The following AHI1 variants were observed in gnomAD, a reference collection of about 807,000 sequenced individuals.
AHI1 encodes the protein jouberin.
AHI1 carries 123 observed loss-of-function variants against 149.3 expected under a neutral mutation model. The ratio of observed to expected loss-of-function variants is 0.82; its 90% CI spans 0.71 to 0.96. The LOEUF (loss-of-function observed/expected upper bound fraction) is 0.96, where lower values mean the gene tolerates loss of function less well. Among genes scored for constraint, AHI1 ranks in the 40% least tolerant of loss-of-function variants. AHI1 has a pLI of 0.00. For missense variants in AHI1, 1,439 were observed against 1,422.7 expected, an observed-to-expected ratio of 1.01 and a Z score of -0.18; for synonymous variants, 475 against 459.8, an observed-to-expected ratio of 1.03 and a Z score of -0.42.
At chr6:135,433,310 A>C (rs1215589239) in intron 15 of AHI1, 54 bp from the exon 16 acceptor site, 9 of 1,360,578 alleles carry the variant, frequency 6.6e-6, no homozygotes, top group African/African-American at 1.4e-5. Flanking sequence ...AGTTTCTTTT[A>C]ACAGTTTTTC....
intron 20 of AHI1, 141 bp downstream of exon 20, chr6:135,427,026 G>T: frequency 8.1e-6 from 6 of 743,024 alleles, no homozygotes; most frequent in South Asian, 2.1e-5. Flanking sequence ...GAAACTTGTG[G>T]CTAGCTTTCT....
intron 20 of AHI1, among the ~76,000 whole-genome samples, chr6:135,416,804 C>T (rs551217473): frequency 6.6e-6 from 1 of 152,100 alleles, no homozygotes; most frequent in South Asian, 2.1e-4. Context: ...AATTGGTGTT[C>T]TCTCCCTGCT....
intron 24 of AHI1, among the ~76,000 whole-genome samples, chr6:135,356,007 T>C (rs537227369): frequency 1.3e-5 from 2 of 152,320 alleles, no homozygotes; most frequent in South Asian, 2.1e-4. Flanking sequence ...AACTAGCATA[T>C]ACCACTCTCC....
intron 26 of AHI1, among the ~76,000 whole-genome samples, chr6:135,314,808 T>C (rs1204796479): frequency 6.6e-6 from 1 of 152,140 alleles, no homozygotes; most frequent in African/African-American, 2.4e-5. Flanking sequence ...CAAAGCACTT[T>C]TCCTTGGGTG....
chr6:135,400,901 G>T (rs1377465023), intron 22 of AHI1, among the ~76,000 whole-genome samples: 1 of 151,652 alleles, frequency 6.6e-6, no homozygotes, highest in Non-Finnish European at 1.5e-5. Context: ...TTTAAATATT[G>T]AAGCCCCCAA....
In AHI1 at chr6:135,428,705, A is replaced by G. The variant is rs746563443; in HGVS notation, c.2547T>C (p.Ser849=). The change falls in exon 19 of 29, where the codon AGT becomes AGC. Residue 849 remains serine, a synonymous_variant. Transcript: ENST00000265602. ...GAANYREKIH[S]TLTPCGTFLF... ...GAAAAGTCCCACATGGAGTCAAAGT[A>G]CTATGAATCTTCTCCCGATAATTTG... 24 of 1,608,398 alleles carry G rather than the reference A, an allele frequency of 1.5e-5. No individual in the cohort carries two copies. Among genetic ancestry groups the G allele is most frequent in the South Asian group, 1.3e-4 (12 of 90,230 alleles).
intron 9 of AHI1, among the ~76,000 whole-genome samples, chr6:135,456,617 C>A (rs967785186): frequency 4.6e-5 from 7 of 151,320 alleles, no homozygotes; most frequent in African/African-American, 1.5e-4. Context: ...TTTGAGTTGT[C>A]ATATTTTCTT....
At chr6:135,324,785 A>G (rs1302199030) in intron 24 of AHI1, among the ~76,000 whole-genome samples, 2 of 152,030 alleles carry the variant, frequency 1.3e-5, no homozygotes, top group Non-Finnish European at 2.9e-5. Flanking sequence ...AAAGGTTTTA[A>G]CCAGAGGATT....
In AHI1 at chr6:135,318,572, G is replaced by A. The variant is rs1020870112; in HGVS notation, c.3373C>T (p.Pro1125Ser). The A allele has an allele frequency of 7.5e-6, 12 of 1,606,354 alleles. No homozygotes were observed. The Admixed American group carries it at 1.5e-4, about 20-fold the overall frequency. The change falls in exon 26 of 29, where the codon CCT becomes TCT. Residue 1125 changes from proline to serine, a missense_variant. Transcript: ENST00000265602. ...TTAGTTTTTTCCTCAGGGCTTAAAG[G>A]AGGGGATCGCTCCTTTATCTCAGGA... The part of the protein sequence containing the change: ...LPPEIKERSP[P>S]LSPEEKTKIE...
At chr6:135,344,701 T>C (rs913416572) in intron 24 of AHI1, among the ~76,000 whole-genome samples, 1 of 151,256 alleles carries the variant, frequency 6.6e-6, no homozygotes, top group African/African-American at 2.4e-5. Flanking sequence ...TTTCTTTTTC[T>C]TTCTCTCTCT....
chr6:135,317,602 G>C (rs1786164051), intron 26 of AHI1, among the ~76,000 whole-genome samples: 1 of 151,900 alleles, frequency 6.6e-6, no homozygotes, highest in African/African-American at 2.4e-5. Context: ...AGAGTCTACT[G>C]GACTTGCTTG....
chr6:135,447,091 G>GC lies in AHI1; in HGVS notation c.1695_1696insG (p.His566AlafsTer3). ...GTGTCTACTGAGCTTGACTCATGGT[G>GC]ACGTTCACAATGCACTGGTTTACCT... On this transcript the variant is annotated frameshift_variant, in exon 13 of 29. Coordinates refer to ENST00000265602, the MANE Select transcript of AHI1 (RefSeq NM_001134831.2). LOFTEE classifies it high-confidence loss of function. 1 of 1,612,914 alleles carries GC rather than the reference G, an allele frequency of 6.2e-7. No homozygotes were observed.
At chr6:135,486,292 T>C (rs1326608843) in intron 5 of AHI1, among the ~76,000 whole-genome samples, 1 of 152,196 alleles carries the variant, frequency 6.6e-6, no homozygotes, top group Non-Finnish European at 1.5e-5. Context: ...ATACCATGTA[T>C]ACTGTGGATT....
intron 20 of AHI1, among the ~76,000 whole-genome samples, chr6:135,412,689 T>C (rs1485351799): frequency 1.3e-5 from 2 of 152,154 alleles, no homozygotes; most frequent in Non-Finnish European, 2.9e-5. Flanking sequence ...TGTCTATATA[T>C]ACAAAGGAGA....
chr6:135,380,902 T>G (rs1776670528), intron 23 of AHI1, among the ~76,000 whole-genome samples: 1 of 152,084 alleles, frequency 6.6e-6, no homozygotes, highest in Admixed American at 6.5e-5. Context: ...GGGAAAACTT[T>G]TAAATTTAAA....
At position 135,464,294 on chromosome 6, in the gene AHI1, C is replaced by T. The variant is rs564003055; in HGVS notation, c.750-988G>A. On this transcript the variant is annotated intron_variant, in intron 7 of 28. Transcript: ENST00000265602. ...ACCAAACCCTGTTCTTTAAGGAGAACAGCTACCCTTTGCGTGCCACTGTCA... is the reference window on the plus strand; with the variant it reads ...ACCAAACCCTGTTCTTTAAGGAGAATAGCTACCCTTTGCGTGCCACTGTCA... Among the ~76,000 whole-genome samples, 5 of 152,216 alleles carry T rather than the reference C, an allele frequency of 3.3e-5. No homozygotes were observed. The South Asian group carries it at 1.0e-3, about 32-fold the overall frequency.
chr6:135,354,704 G>A (rs952695482), intron 24 of AHI1, among the ~76,000 whole-genome samples: 1 of 152,102 alleles, frequency 6.6e-6, no homozygotes, highest in Non-Finnish European at 1.5e-5. Flanking sequence ...AGTGCAGAGG[G>A]ACTAATTCTT....
rs891460348 is a variant in AHI1 at position 135,302,873 on chromosome 6, A to G, written c.3427-2315T>C. 5 of 1,198,372 alleles carry G rather than the reference A, an allele frequency of 4.2e-6. No individual in the cohort carries two copies. The African/African-American group carries it at 8.0e-5, about 19-fold the overall frequency. The allele number at this position is 1,198,372 out of a possible 1,614,324, so 74.2% of individuals were successfully genotyped here. A position where few individuals can be genotyped will look rare whatever the true frequency, so the allele number is the denominator to read the frequency against. On this transcript the variant is annotated intron_variant, in intron 26 of 28. Coordinates refer to ENST00000265602, the MANE Select transcript of AHI1 (RefSeq NM_001134831.2). Reference sequence around the variant, plus strand: ...TTCAATCAGCCCGCAAATAACCCCCACCATCGACAACGCCAAAGAACATGA... The same window carrying G: ...TTCAATCAGCCCGCAAATAACCCCCGCCATCGACAACGCCAAAGAACATGA...
chr6:135,379,386 C>G (rs193021266), intron 23 of AHI1, among the ~76,000 whole-genome samples: 574 of 152,234 alleles, frequency 3.8e-3, no homozygotes, highest in Non-Finnish European at 6.3e-3. Context: ...CTTCTCCTAC[C>G]TCAATTATTA....
Sources: gnomAD v4.1 joint callset for allele counts (sites outside exome capture counted in the v4.1 genomes callset) on GRCh38, gnomAD v4.1.1 for gene constraint, MANE v1.5 for transcripts, NCBI Gene and HGNC (gene_info 2026-07-23, HGNC 2026-07-21) for gene names.